Variants in SYBU observed in about 807,000 individuals in gnomAD.
The protein encoded by SYBU is GOLSYN A protein.
In SYBU, 21 loss-of-function variants were observed where a neutral mutation model predicts 35.9. That is an observed-to-expected ratio of 0.58 (90% confidence interval 0.41 to 0.84). The LOEUF (loss-of-function observed/expected upper bound fraction) is 0.84. SYBU is among the 40% of genes least tolerant of loss of function. The pLI is 0.00. For synonymous variants in SYBU, 319 were observed against 324.3 expected, an observed-to-expected ratio of 0.98 and a Z score of 0.18; for missense variants, 768 against 848.2, an observed-to-expected ratio of 0.91 and a Z score of 1.17.
At position 109,600,782 on chromosome 8, in the gene SYBU, T is replaced by G. The variant is rs552918310; in HGVS notation, c.428-14620A>C. 5.9e-5 allele frequency among the ~76,000 whole-genome samples: 9 copies of G among 152,352 alleles called. No homozygotes were observed. The South Asian group carries it at 1.9e-3, about 32-fold the overall frequency. On this transcript the variant is annotated intron_variant, in intron 3 of 6. Coordinates refer to ENST00000276646, the MANE Select transcript of SYBU (RefSeq NM_001099754.2). ...ACTGGCTCAGATGTGAAAAACAATC[T>G]GCACATCCTTTTCTGAAGGAGTTAA...
chr8:109,624,541 A>G (rs185128398), intron 2 of SYBU, among the ~76,000 whole-genome samples: 251 of 152,304 alleles, frequency 1.6e-3, no homozygotes, highest in African/African-American at 5.7e-3. Context: ...AGTCTAATGG[A>G]GAGTTTACAG....
At chr8:109,680,915 T>A (rs1163899763) in exon 1 of SYBU, 1 of 152,250 alleles carries the variant, frequency 6.6e-6, no homozygotes. Flanking sequence ...CTAAGTAGAA[T>A]GCTAATGCTA....
intron 2 of SYBU, among the ~76,000 whole-genome samples, chr8:109,633,982 C>T (rs1246093637): frequency 6.6e-6 from 1 of 152,106 alleles, no homozygotes; most frequent in Non-Finnish European, 1.5e-5. Context: ...GACCTGCCAG[C>T]CTCGGCTTCC....
chr8:109,660,662 TATTA>T (rs1265218232), intron 1 of SYBU, among the ~76,000 whole-genome samples: 1 of 152,208 alleles, frequency 6.6e-6, no homozygotes, highest in Non-Finnish European at 1.5e-5. Context: ...CAAACACATC[TATTA>T]ATTAATACTA....
upstream of SYBU, among the ~76,000 whole-genome samples, chr8:109,684,395 C>T (rs1044411522): frequency 6.6e-6 from 1 of 152,088 alleles, no homozygotes; most frequent in Non-Finnish European, 1.5e-5. Flanking sequence ...GTGGTAAGAG[C>T]TGAATAATAG....
chr8:109,607,519 A>T (rs1826187327), intron 3 of SYBU, among the ~76,000 whole-genome samples: 1 of 152,124 alleles, frequency 6.6e-6, no homozygotes, highest in Non-Finnish European at 1.5e-5. Flanking sequence ...GTGTTCATCT[A>T]TTCCCTTACC....
intron 1 of SYBU, among the ~76,000 whole-genome samples, chr8:109,657,263 T>C (rs190357614): frequency 6.6e-6 from 1 of 152,314 alleles, no homozygotes; most frequent in East Asian, 1.9e-4. Flanking sequence ...TTGCCCTTTA[T>C]TGTAGACCAG....
chr8:109,611,989 C>T (rs150901618), intron 3 of SYBU, among the ~76,000 whole-genome samples: 5 of 152,242 alleles, frequency 3.3e-5, no homozygotes, highest in Admixed American at 6.5e-5. Flanking sequence ...TATATCAACA[C>T]GTCTTTCTTA....
intron 3 of SYBU, among the ~76,000 whole-genome samples, chr8:109,603,109 T>G (rs1356175794): frequency 6.6e-6 from 1 of 152,214 alleles, no homozygotes; most frequent in Non-Finnish European, 1.5e-5. Flanking sequence ...GGACATGCAC[T>G]GGGATGCCTC....
intron 1 of SYBU, among the ~76,000 whole-genome samples, chr8:109,654,220 G>T (rs1816266968): frequency 6.6e-6 from 1 of 152,088 alleles, no homozygotes; most frequent in Non-Finnish European, 1.5e-5. Context: ...AAAGTTACTT[G>T]TCTAGAGTAT....
At chr8:109,588,406 T>C (rs1823862419) in intron 3 of SYBU, among the ~76,000 whole-genome samples, 1 of 152,240 alleles carries the variant, frequency 6.6e-6, no homozygotes. Flanking sequence ...TAAGGTCACT[T>C]TGTTTCAGCA....
chr8:109,636,113 G>GCAT (rs1814198823), intron 2 of SYBU, among the ~76,000 whole-genome samples: 1 of 152,140 alleles, frequency 6.6e-6, no homozygotes, highest in South Asian at 2.1e-4. Flanking sequence ...TCTGAGCATG[G>GCAT]CATAGGAAGT....
At chr8:109,609,185 C>T (rs542499869) in intron 3 of SYBU, among the ~76,000 whole-genome samples, 79 of 152,300 alleles carry the variant, frequency 5.2e-4, no homozygotes, top group Non-Finnish European at 9.3e-4. Context: ...TAGAGTCCTT[C>T]CAAAGCCTCT....
intron 2 of SYBU, among the ~76,000 whole-genome samples, chr8:109,631,094 G>A (rs973464984): frequency 2.0e-5 from 3 of 152,180 alleles, no homozygotes; most frequent in Admixed American, 6.5e-5. Flanking sequence ...TCGCCAGGAC[G>A]CATTACGGAG....
chr8:109,673,381 C>T (rs1347136991), intron 1 of SYBU, among the ~76,000 whole-genome samples: 1 of 152,116 alleles, frequency 6.6e-6, no homozygotes, highest in East Asian at 1.9e-4. Flanking sequence ...CTGGTGATAC[C>T]CAGGCAAACA....
chr8:109,655,037 C>T (rs1563767429), intron 1 of SYBU, among the ~76,000 whole-genome samples: 1 of 152,200 alleles, frequency 6.6e-6, no homozygotes, highest in Non-Finnish European at 1.5e-5. Context: ...TCCTATCTCT[C>T]TAGCCTCAAA....
intron 3 of SYBU, among the ~76,000 whole-genome samples, chr8:109,599,584 G>C (rs1465372324): frequency 6.6e-6 from 1 of 152,162 alleles, no homozygotes; most frequent in African/African-American, 2.4e-5. Flanking sequence ...TAGTAACTGT[G>C]TCATCTGTCT....
chr8:109,679,053 C>T (rs1468012487), intron 1 of SYBU, among the ~76,000 whole-genome samples: 3 of 152,156 alleles, frequency 2.0e-5, no homozygotes, highest in Non-Finnish European at 2.9e-5. Flanking sequence ...CTGGCCTAAA[C>T]CCACCAAAAC....
chr8:109,608,420 G>C (rs1270049098), intron 3 of SYBU, among the ~76,000 whole-genome samples: 1 of 151,990 alleles, frequency 6.6e-6, no homozygotes, highest in African/African-American at 2.4e-5. Context: ...CAAACACCAA[G>C]CACTTTGAGA....
Sources: allele counts gnomAD v4.1 joint callset (sites outside exome capture counted in the v4.1 genomes callset), GRCh38; gene constraint gnomAD v4.1.1; transcripts MANE v1.5; gene names NCBI Gene and HGNC (gene_info 2026-07-23, HGNC 2026-07-21).